Variants in PTGER3 observed in about 807,000 individuals in gnomAD.
PTGER3 encodes prostaglandin E2 receptor EP3 subtype.
Under a neutral mutation model 34.7 loss-of-function variants are expected in PTGER3, and 22 were observed. The observed-to-expected ratio is 0.63, with a 90% CI of 0.45 to 0.91. The LOEUF (loss-of-function observed/expected upper bound fraction) is 0.91. Ranked by LOEUF, PTGER3 falls within the 40% of genes least tolerant of loss-of-function variation. PTGER3 has a pLI of 0.00. For synonymous variants in PTGER3, 241 were observed against 230.1 expected (o/e 1.05, Z -0.43); for missense variants, 468 against 519.4 (o/e 0.90, Z 0.96).
intron 1 of PTGER3, among the ~76,000 whole-genome samples, chr1:71,037,840 T>C (rs1659973371): frequency 6.6e-6 from 1 of 152,220 alleles, no homozygotes; most frequent in Admixed American, 6.5e-5. Flanking sequence ...AATAACTTTC[T>C]TCTGTTCTTC....
chr1:70,888,022 T>C (rs1572556052), intron 4 of PTGER3, among the ~76,000 whole-genome samples: 1 of 152,212 alleles, frequency 6.6e-6, no homozygotes, highest in East Asian at 1.9e-4. Context: ...CATTTTGGTG[T>C]TAAAGCATGC....
chr1:70,857,164 A>G (rs1645825075), intron 4 of PTGER3, among the ~76,000 whole-genome samples: 1 of 152,206 alleles, frequency 6.6e-6, no homozygotes. Context: ...GTTGTTCTTG[A>G]TGTTTTAAGA....
At chr1:71,002,258 T>C (rs1358601503) in intron 2 of PTGER3, 4 of 152,068 alleles carry the variant, frequency 2.6e-5, no homozygotes, top group African/African-American at 7.2e-5. Flanking sequence ...TAAGACCCTA[T>C]CTCTTAAAAA....
chr1:70,965,156 G>A (rs1320889613), intron 2 of PTGER3, among the ~76,000 whole-genome samples: 1 of 152,078 alleles, frequency 6.6e-6, no homozygotes, highest in Non-Finnish European at 1.5e-5. Context: ...AATCCAGGTG[G>A]ATGTAAAAAA....
Position 70,993,023 on chromosome 1 carries a change from TA to T in PTGER3, c.1078-18636del, listed in dbSNP as rs151091857. Among the ~76,000 whole-genome samples, 653 of 152,294 alleles carry T rather than the reference TA, an allele frequency of 4.3e-3. 4 individuals carry two copies. The highest frequency in any genetic ancestry group is 0.015 in the African/African-American group (618 of 41,534). On this transcript the variant is annotated intron_variant, in intron 2 of 3. Coordinates refer to ENST00000306666, the MANE Select transcript of PTGER3 (RefSeq NM_198719.2). Reference sequence around the variant, plus strand: ...AATTAACCTTGTTTTTCTTCTTCAATAAAATTAGATATGAGGTCCCTCAATG... The same window carrying T: ...AATTAACCTTGTTTTTCTTCTTCAATAAATTAGATATGAGGTCCCTCAATG...
At chr1:71,015,956 A>C (rs1657853626) in intron 1 of PTGER3, among the ~76,000 whole-genome samples, 1 of 152,176 alleles carries the variant, frequency 6.6e-6, no homozygotes, top group Admixed American at 6.6e-5. Context: ...TTTTTGAGAC[A>C]GTGTCTCACT....
intron 4 of PTGER3, among the ~76,000 whole-genome samples, chr1:70,925,626 A>G (rs1647997821): frequency 6.6e-6 from 1 of 152,210 alleles, no homozygotes; most frequent in Non-Finnish European, 1.5e-5. Context: ...TGCAAAAATA[A>G]GAGTAAATCT....
rs763281543 is a variant in PTGER3, at chr1:71,046,915, A to G, written c.663T>C (p.Ser221=). The G allele has an allele frequency of 2.5e-6, 4 of 1,611,376 alleles. No homozygotes were observed. Among genetic ancestry groups the G allele is most frequent in the Non-Finnish European group, 3.4e-6 (4 of 1,178,834 alleles). Residue 221 remains serine (S), a synonymous_variant, in exon 1 of 4, where the codon TCT becomes TCC. Transcript: ENST00000306666. ...STGRGGNGTS[S]SHNWGNLFFA... ...AGAAAAGGTTGCCCCAGTTATGCGA[A>G]GAGCTAGTCCCGTTGCCCCCTCGCC...
chr1:71,007,640 G>A, intron 2 of PTGER3: 8 of 985,354 alleles, frequency 8.1e-6, no homozygotes, highest in Non-Finnish European at 9.6e-6. Context: ...TTCAAAAGTA[G>A]AACGTTGAAG....
At chr1:70,953,779 C>G (rs1012439042) in exon 3 of PTGER3, 1 of 1,433,470 alleles carries the variant, frequency 7.0e-7, no homozygotes, top group Non-Finnish European at 9.4e-7. Context: ...TCTGAGTCTT[C>G]TTTTTCTCAT....
intron 1 of PTGER3, among the ~76,000 whole-genome samples, chr1:71,045,090 A>T (rs1488756424): frequency 1.3e-5 from 2 of 152,038 alleles, no homozygotes; most frequent in South Asian, 2.1e-4. Context: ...CTGAGTTCCA[A>T]CTCCTGGAAT....
intron 2 of PTGER3, among the ~76,000 whole-genome samples, chr1:70,993,054 A>G (rs1014586027): frequency 7.9e-5 from 12 of 152,162 alleles, no homozygotes; most frequent in Non-Finnish European, 1.8e-4. Context: ...TCAATGTTAA[A>G]TTCCCCCCTC....
rs558970342 is a variant in PTGER3 at position 71,005,592 on chromosome 1, C to T, written c.1077+6713G>A. Among the ~76,000 whole-genome samples the T allele has an allele frequency of 2.0e-5, 3 of 152,244 alleles. No individual in the cohort carries two copies. In the East Asian group the frequency reaches 5.8e-4, roughly 29 times the overall value. ...TTTATTAATTCTTGGGTCTTAGTAC[C>T]TACCAGAGCTTGGCACTTAATAGGT... On this transcript the variant is annotated intron_variant, in intron 2 of 3. Transcript: ENST00000306666.
chr1:70,877,866 A>AT (rs1366721476), intron 4 of PTGER3, among the ~76,000 whole-genome samples: 2 of 152,044 alleles, frequency 1.3e-5, no homozygotes, highest in Non-Finnish European at 2.9e-5. Flanking sequence ...TTCATTGAAG[A>AT]TTTTTTATCT....
At chr1:71,035,007 C>T (rs541078233) in intron 1 of PTGER3, among the ~76,000 whole-genome samples, 1 of 150,044 alleles carries the variant, frequency 6.7e-6, no homozygotes, top group South Asian at 2.1e-4. Flanking sequence ...AAGAGCCTGG[C>T]ACAATCTTGG....
At chr1:70,887,588 A>T (rs1646525262) in intron 4 of PTGER3, among the ~76,000 whole-genome samples, 1 of 151,964 alleles carries the variant, frequency 6.6e-6, no homozygotes, top group Admixed American at 6.6e-5. Flanking sequence ...CTAGGTTCTA[A>T]TATGATAGAT....
intron 2 of PTGER3, among the ~76,000 whole-genome samples, chr1:70,983,561 A>T (rs776904130): frequency 1.3e-5 from 2 of 152,172 alleles, no homozygotes; most frequent in Non-Finnish European, 2.9e-5. Flanking sequence ...TAAAGAACCC[A>T]GCACAATGCC....
intron 4 of PTGER3, among the ~76,000 whole-genome samples, chr1:70,874,727 T>C (rs1276643900): frequency 1.3e-5 from 2 of 152,162 alleles, no homozygotes; most frequent in Non-Finnish European, 1.5e-5. Context: ...TTCTGTTTGT[T>C]CCCTTCCAGA....
In PTGER3 at chr1:71,027,735, T is replaced by A. The variant is rs898602872; in HGVS notation, c.898-15251A>T. Among the ~76,000 whole-genome samples the A allele has an allele frequency of 3.8e-4, 58 of 152,272 alleles. 1 individual carries two copies. The highest frequency in any genetic ancestry group is 1.2e-3 in the African/African-American group (49 of 41,508). ...CATTTTCTAGTAGCCAGATTTTTTT[T>A]AAAAAAGTAAAAAGAAACATTTTGA... On this transcript the variant is annotated intron_variant, in intron 1 of 3. Coordinates refer to ENST00000306666, the MANE Select transcript of PTGER3 (RefSeq NM_198719.2).
Sources: gnomAD v4.1 joint callset for allele counts (sites outside exome capture counted in the v4.1 genomes callset) on GRCh38, gnomAD v4.1.1 for gene constraint, MANE v1.5 for transcripts, NCBI Gene and HGNC (gene_info 2026-07-23, HGNC 2026-07-21) for gene names.